The following LIMS4 variants were observed in gnomAD, a reference collection of about 807,000 sequenced individuals.
LIMS4 encodes LIM and senescent cell antigen-like-containing domain protein 4.
the LIMS4 span, among the ~76,000 whole-genome samples, chr2:110,418,709 G>A: frequency 1.7e-5 from 1 of 58,346 alleles, no homozygotes; most frequent in East Asian, 4.3e-4. Context: ...AGGCTAGAGT[G>A]CAGTGGCATG....
At chr2:110,386,047 G>A in the LIMS4 span, among the ~76,000 whole-genome samples, 1 of 137,962 alleles carries the variant, frequency 7.2e-6, no homozygotes, top group South Asian at 2.4e-4. Flanking sequence ...AATTAGCTGG[G>A]TGTGGTGGTG....
chr2:110,366,943 AGACAC>A, the LIMS4 span, among the ~76,000 whole-genome samples: 41 of 139,414 alleles, frequency 2.9e-4, no homozygotes, highest in Admixed American at 4.4e-4. Flanking sequence ...AATTCACAAT[AGACAC>A]ACACACACAC....
the LIMS4 span, among the ~76,000 whole-genome samples, chr2:110,425,071 G>A: frequency 6.7e-4 from 95 of 142,660 alleles, 1 homozygote; most frequent in African/African-American, 2.7e-3. Flanking sequence ...CAGGGTCCCT[G>A]CCATCTTTAA....
the LIMS4 span, among the ~76,000 whole-genome samples, chr2:110,381,790 G>A: frequency 4.6e-3 from 101 of 22,164 alleles, 1 homozygote; most frequent in African/African-American, 0.023. Flanking sequence ...TGTTTGGGCC[G>A]GGCGCGGTGG....
At chr2:110,397,762 G>T in the LIMS4 span, among the ~76,000 whole-genome samples, 1 of 5,928 alleles carries the variant, frequency 1.7e-4, no homozygotes, top group African/African-American at 5.7e-4. Context: ...CCTTACAGAG[G>T]CACCAATTTT....
the LIMS4 span, among the ~76,000 whole-genome samples, chr2:110,421,700 C>T: frequency 4.9e-5 from 2 of 41,182 alleles, 1 homozygote; most frequent in African/African-American, 5.3e-4. Context: ...CAGGGTAATG[C>T]AGGATCTGCA....
the LIMS4 span, chr2:110,359,128 T>C: frequency 6.6e-6 from 1 of 152,194 alleles, no homozygotes; most frequent in Non-Finnish European, 1.5e-5. Flanking sequence ...AACAAAATAT[T>C]TTTTTCAAAT....
At chr2:110,425,928 G>A in the LIMS4 span, among the ~76,000 whole-genome samples, 1 of 113,772 alleles carries the variant, frequency 8.8e-6, no homozygotes, top group Admixed American at 8.9e-5. Flanking sequence ...CCTAGCTGGA[G>A]GCTGGCCTGC....
the LIMS4 span, among the ~76,000 whole-genome samples, chr2:110,410,787 GA>G: frequency 1.1e-5 from 1 of 95,078 alleles, no homozygotes; most frequent in Non-Finnish European, 2.0e-5. Context: ...ACTGCCGTAA[GA>G]GCCGATCGCT....
At chr2:110,359,427 AT>A in the LIMS4 span, among the ~76,000 whole-genome samples, 1 of 54,218 alleles carries the variant, frequency 1.8e-5, no homozygotes, top group Non-Finnish European at 4.0e-5. Context: ...CCTCTACTGC[AT>A]TTTAGTAAAG....
chr2:110,425,292 A>T, the LIMS4 span, among the ~76,000 whole-genome samples: 1 of 142,542 alleles, frequency 7.0e-6, no homozygotes, highest in African/African-American at 2.9e-5. Flanking sequence ...GAGATGAAGG[A>T]TGGCTTGAGC....
the LIMS4 span, among the ~76,000 whole-genome samples, chr2:110,391,975 G>T: frequency 6.7e-6 from 1 of 150,326 alleles, no homozygotes; most frequent in Non-Finnish European, 1.5e-5. Flanking sequence ...TGAGCAGTCA[G>T]CACGCCTGAG....
the LIMS4 span, among the ~76,000 whole-genome samples, chr2:110,392,145 A>G: frequency 6.6e-6 from 1 of 152,070 alleles, no homozygotes; most frequent in East Asian, 1.9e-4. Context: ...AAATTAGAAA[A>G]AGACTTCTGG....
chr2:110,395,718 A>G, the LIMS4 span, among the ~76,000 whole-genome samples: 4 of 75,794 alleles, frequency 5.3e-5, no homozygotes, highest in Non-Finnish European at 7.5e-5. Context: ...CCATGCTGTC[A>G]TGGGTGATGG....
chr2:110,365,419 AC>A, the LIMS4 span, among the ~76,000 whole-genome samples: 1,363 of 137,996 alleles, frequency 9.9e-3, no homozygotes, highest in Non-Finnish European at 0.015. Context: ...AAATTGAACA[AC>A]CTGCTCTTGA....
chr2:110,389,740 CA>C, the LIMS4 span, among the ~76,000 whole-genome samples: 6 of 141,382 alleles, frequency 4.2e-5, 1 homozygote, highest in Non-Finnish European at 6.0e-5. Flanking sequence ...GCTGACATCA[CA>C]GGGGGTGACT....
chr2:110,390,733 T>C, the LIMS4 span, among the ~76,000 whole-genome samples: 1 of 150,100 alleles, frequency 6.7e-6, no homozygotes, highest in African/African-American at 2.5e-5. Context: ...CATTTACTCA[T>C]TCAGTCTTGA....
the LIMS4 span, among the ~76,000 whole-genome samples, chr2:110,419,626 C>T: frequency 6.6e-5 from 1 of 15,064 alleles, no homozygotes; most frequent in Non-Finnish European, 9.8e-5. Flanking sequence ...GGCGACAGAG[C>T]GAGACTCCAT....
the LIMS4 span, among the ~76,000 whole-genome samples, chr2:110,379,064 T>C: frequency 2.0e-5 from 3 of 147,204 alleles, no homozygotes; most frequent in African/African-American, 5.3e-5. Context: ...TGTGGCACCA[T>C]GGTGGAAGTA....
Sources: allele counts gnomAD v4.1 joint callset (sites outside exome capture counted in the v4.1 genomes callset), GRCh38; gene constraint gnomAD v4.1.1; transcripts MANE v1.5; gene names NCBI Gene and HGNC (gene_info 2026-07-23, HGNC 2026-07-21).